Variants in CDK5RAP2 observed in about 807,000 individuals in gnomAD.
The protein encoded by CDK5RAP2 is CDK5 regulatory subunit-associated protein 2.
Under a neutral mutation model 232.9 loss-of-function variants are expected in CDK5RAP2, and 147 were observed. The ratio of observed to expected loss-of-function variants is 0.63; its 90% confidence interval spans 0.55 to 0.72. The LOEUF (loss-of-function observed/expected upper bound fraction) is 0.72, where lower values mean the gene tolerates loss of function less well. CDK5RAP2 is among the 30% of genes least tolerant of loss of function. The probability of loss-of-function intolerance (pLI) is 0.00; values close to 1 mark genes in which losing one functional copy is unlikely to be tolerated. For missense variants in CDK5RAP2, 2,195 were observed against 2,231.5 expected, an observed-to-expected ratio of 0.98 and a Z score of 0.33; for synonymous variants, 833 against 833.7, an observed-to-expected ratio of 1.00 and a Z score of 0.01.
rs2034648117 is a variant in CDK5RAP2, at chr9:120,422,805, T to A, written c.3956-64A>T. The stretch of plus-strand genomic sequence containing the variant: ...AATGTTTTTAAGTGTTCCCTAATAA[T>A]TTCCTGCTCATACATTTGCAGAAGC... On this transcript the variant is annotated intron_variant, in intron 25 of 37. Transcript: ENST00000349780. 8.3e-6 allele frequency: 10 copies of A among 1,212,006 alleles called. No individual in the cohort carries two copies. The Admixed American group carries it at 1.7e-4, about 21-fold the overall frequency. The allele number at this position is 1,212,006 out of a possible 1,614,324, so 75.1% of individuals were successfully genotyped here. A position where few individuals can be genotyped will look rare whatever the true frequency, so the allele number is the denominator to read the frequency against.
chr9:120,561,766 C>A (rs2042472473), intron 3 of CDK5RAP2, among the ~76,000 whole-genome samples: 1 of 152,178 alleles, frequency 6.6e-6, no homozygotes, highest in African/African-American at 2.4e-5. Context: ...TTTAATATTT[C>A]TTAAGTATTT....
At position 120,565,968 on chromosome 9, in the gene CDK5RAP2, T is replaced by C. The variant is rs139312383; in HGVS notation, c.195+2353A>G. On this transcript the variant is annotated intron_variant, in intron 3 of 37. Coordinates refer to ENST00000349780, the MANE Select transcript of CDK5RAP2 (RefSeq NM_018249.6). ...ACAGTGGCATATATTAAAAAATGTT[T>C]ATTAAATGGATGAACTCTGAGGAAA... Among the ~76,000 whole-genome samples the C allele has an allele frequency of 3.4e-3, 523 of 152,320 alleles. 2 individuals carry two copies. Among genetic ancestry groups the C allele is most frequent in the Non-Finnish European group, 6.0e-3 (410 of 68,022 alleles).
At chr9:120,503,540 C>A (rs764087934) in intron 12 of CDK5RAP2, among the ~76,000 whole-genome samples, 2 of 152,186 alleles carry the variant, frequency 1.3e-5, no homozygotes, top group Non-Finnish European at 2.9e-5. Flanking sequence ...TTTTTCCAAA[C>A]CTCCTTCGAT....
chr9:120,437,285 C>A lies in CDK5RAP2; in HGVS notation c.3955+10G>T. On this transcript the variant is annotated intron_variant, in intron 25 of 37. Transcript: ENST00000349780. ...GATGTCTTAAGACTCGCGTACCTCA[C>A]CCTACCTACCGTTGAGAAATAGCTT... is the stretch of plus-strand genomic sequence containing the variant. 2 of 1,595,616 alleles carry A rather than the reference C, an allele frequency of 1.3e-6. No homozygotes were observed. Among genetic ancestry groups the A allele is most frequent in the Non-Finnish European group, 1.7e-6 (2 of 1,167,052 alleles).
At chr9:120,411,298 C>A in intron 29 of CDK5RAP2, 60 bp downstream of exon 29, 1 of 1,040,188 alleles carries the variant, frequency 9.6e-7, no homozygotes, top group African/African-American at 1.6e-5. Context: ...TGCCTGCATT[C>A]TTTCCATGAC....
chr9:120,417,546 T>C (rs1159104662), intron 27 of CDK5RAP2, among the ~76,000 whole-genome samples: 1 of 152,246 alleles, frequency 6.6e-6, no homozygotes, highest in African/African-American at 2.4e-5. Flanking sequence ...GGGACATAAA[T>C]GCTTAGCAGC....
chr9:120,389,601 C>T (rs955809309), intron 37 of CDK5RAP2, 140 bp downstream of exon 37: 3 of 797,060 alleles, frequency 3.8e-6, no homozygotes, highest in South Asian at 3.2e-5. Context: ...ACTTTTCATG[C>T]ACTGCTGGCA....
At chr9:120,494,090 T>TAA (rs532352159) in intron 12 of CDK5RAP2, among the ~76,000 whole-genome samples, 9 of 119,258 alleles carry the variant, frequency 7.5e-5, no homozygotes, top group Admixed American at 1.8e-4. Context: ...AGACTCAGTT[T>TAA]AAAAAAAAAA....
intron 3 of CDK5RAP2, among the ~76,000 whole-genome samples, chr9:120,553,697 T>C (rs933045772): frequency 6.6e-6 from 1 of 152,388 alleles, no homozygotes; most frequent in East Asian, 1.9e-4. Context: ...TGATAATTCA[T>C]TAAACTGTTC....
intron 15 of CDK5RAP2, among the ~76,000 whole-genome samples, chr9:120,474,468 G>C (rs972137362): frequency 6.6e-6 from 1 of 152,098 alleles, no homozygotes; most frequent in Non-Finnish European, 1.5e-5. Context: ...ACAAAGCACA[G>C]GACATGCCCT....
At chr9:120,538,840 C>A (rs935618959) in intron 6 of CDK5RAP2, among the ~76,000 whole-genome samples, 3 of 152,118 alleles carry the variant, frequency 2.0e-5, no homozygotes, top group Non-Finnish European at 2.9e-5. Context: ...ATGAGGACCA[C>A]AATGGCCAGT....
At chr9:120,401,632 A>AAG (rs1564170614) in intron 34 of CDK5RAP2, among the ~76,000 whole-genome samples, 4 of 149,742 alleles carry the variant, frequency 2.7e-5, no homozygotes, top group African/African-American at 4.9e-5. Context: ...AAAAAAAAAA[A>AAG]AGAGAGAAAA....
chr9:120,491,275 A>G (rs764454336), intron 13 of CDK5RAP2, 32 bp downstream of exon 13: 46 of 1,554,176 alleles, frequency 3.0e-5, no homozygotes, highest in Non-Finnish European at 3.7e-5. Context: ...CCCATGCCAA[A>G]TTAAAAAATT....
Position 120,470,235 on chromosome 9 carries a change from A to G in CDK5RAP2, c.1859-15T>C, listed in dbSNP as rs1182435567. On this transcript the variant is annotated splice_polypyrimidine_tract_variant and intron_variant, in intron 16 of 37. Coordinates refer to ENST00000349780, the MANE Select transcript of CDK5RAP2 (RefSeq NM_018249.6). ...AAATGATTCTTCTGCCCAAAAAAGA[A>G]AAAAAAAAGGTGGGGAGGGGGAGGA... The G allele has an allele frequency of 7.7e-7, 1 of 1,303,288 alleles. No homozygotes were observed. The highest frequency in any genetic ancestry group is 1.1e-6 in the Non-Finnish European group (1 of 925,906). 80.7% of individuals were successfully genotyped at this position (1,303,288 alleles called of 1,614,324 possible).
chr9:120,536,243 C>T, intron 7 of CDK5RAP2, 129 bp downstream of exon 7: 2 of 962,604 alleles, frequency 2.1e-6, no homozygotes, highest in East Asian at 4.9e-5. Flanking sequence ...GACTTGTTCC[C>T]ATTAGTCACT....
intron 5 of CDK5RAP2, among the ~76,000 whole-genome samples, chr9:120,541,607 T>G (rs1010719427): frequency 6.6e-6 from 1 of 152,192 alleles, no homozygotes; most frequent in African/African-American, 2.4e-5. Context: ...CTGATAAATA[T>G]AACAATGGAA....
intron 5 of CDK5RAP2, among the ~76,000 whole-genome samples, chr9:120,541,597 C>A (rs930469749): frequency 2.0e-5 from 3 of 152,156 alleles, no homozygotes; most frequent in African/African-American, 7.2e-5. Context: ...CTTATTGTAA[C>A]TGATAAATAT....
At chr9:120,439,314 T>C (rs1423043933) in intron 24 of CDK5RAP2, 85 bp downstream of exon 24, 1 of 1,147,292 alleles carries the variant, frequency 8.7e-7, no homozygotes, top group East Asian at 2.3e-5. Flanking sequence ...AGAGTAGTGT[T>C]CTCTTTTAGC....
chr9:120,494,608 T>C (rs1347636841), intron 12 of CDK5RAP2, among the ~76,000 whole-genome samples: 2 of 148,690 alleles, frequency 1.3e-5, no homozygotes, highest in African/African-American at 5.2e-5. Context: ...TAGAAACAAA[T>C]AACTAATAAA....
Sources: allele counts gnomAD v4.1 joint callset (sites outside exome capture counted in the v4.1 genomes callset), GRCh38; gene constraint gnomAD v4.1.1; transcripts MANE v1.5; gene names NCBI Gene and HGNC (gene_info 2026-07-23, HGNC 2026-07-21).